Variants in TTF2 observed in about 807,000 individuals in gnomAD.
TTF2 encodes the protein RNA polymerase II termination factor.
In TTF2, 108 loss-of-function variants were observed where a neutral mutation model predicts 142.4. The observed-to-expected ratio is 0.76, with a 90% CI of 0.65 to 0.89. The LOEUF (loss-of-function observed/expected upper bound fraction) is 0.89. TTF2 is among the 40% of genes least tolerant of loss of function. The probability of loss-of-function intolerance (pLI) is 0.00; values close to 1 mark genes in which losing one functional copy is unlikely to be tolerated. For missense variants in TTF2, 1,327 were observed against 1,379.8 expected, an observed-to-expected ratio of 0.96 and a Z score of 0.61; for synonymous variants, 483 against 506.2, an observed-to-expected ratio of 0.95 and a Z score of 0.61.
chr1:117,088,426 G>A (rs1038379057), intron 12 of TTF2, among the ~76,000 whole-genome samples: 2 of 152,064 alleles, frequency 1.3e-5, no homozygotes, highest in African/African-American at 2.4e-5. Flanking sequence ...GGTCCCGGCT[G>A]CTCGGGAGGC....
chr1:117,068,413 A>G (rs1656317895), intron 3 of TTF2, among the ~76,000 whole-genome samples: 1 of 151,906 alleles, frequency 6.6e-6, no homozygotes, highest in Admixed American at 6.6e-5. Context: ...GGGAGAGGGG[A>G]GGGATAGCAT....
At position 117,073,185 on chromosome 1, in the gene TTF2, C is replaced by T. The variant is rs1281427449; in HGVS notation, c.219-476C>T. On this transcript the variant is annotated intron_variant, in intron 3 of 22. Transcript: ENST00000369466. This position sits in a 1 kb window ranked among gnomAD's most constrained non-coding sequence, Gnocchi z 4.4. Reference sequence around the variant, plus strand: ...TTATATTCTCCACAGTATAGTTTTACGCCTTCTTCTGTTGTTTCTATTTCC... The same window carrying T: ...TTATATTCTCCACAGTATAGTTTTATGCCTTCTTCTGTTGTTTCTATTTCC... 2.6e-5 allele frequency among the ~76,000 whole-genome samples: 4 copies of T among 152,154 alleles called. No individual in the cohort carries two copies. Among genetic ancestry groups the T allele is most frequent in the South Asian group, 4.1e-4 (2 of 4,828 alleles).
intron 20 of TTF2, among the ~76,000 whole-genome samples, 171 bp downstream of exon 20, chr1:117,096,470 C>T (rs1250538139): frequency 2.6e-5 from 4 of 152,310 alleles, no homozygotes; most frequent in Admixed American, 6.5e-5. Context: ...CTCCGCCTCC[C>T]GGGTTCAAGC....
At chr1:117,089,152 G>C (rs1648313661) in intron 13 of TTF2, among the ~76,000 whole-genome samples, 170 bp downstream of exon 13, 1 of 151,858 alleles carries the variant, frequency 6.6e-6, no homozygotes, top group Admixed American at 6.6e-5. Context: ...GAAAATAGCT[G>C]TTGATTGGTT....
rs530212582 is a variant in TTF2 at position 117,065,720 on chromosome 1, A to T, written c.218+3247A>T. ...GCTGTTGTAAATGGAATTTTTTTTA[A>T]TTTTGTTTTTGGATTGTTTTCTGCT... On this transcript the variant is annotated intron_variant, in intron 3 of 22. Transcript: ENST00000369466. 3.3e-5 allele frequency among the ~76,000 whole-genome samples: 5 copies of T among 151,926 alleles called. No individual in the cohort carries two copies. In the East Asian group the frequency reaches 9.7e-4, roughly 29 times the overall value.
intron 4 of TTF2, 108 bp from the exon 5 acceptor site, chr1:117,074,762 A>G: frequency 9.4e-7 from 1 of 1,058,390 alleles, no homozygotes; most frequent in South Asian, 1.8e-5. Context: ...ACAAAGCTGC[A>G]TATGTACCCC....
intron 2 of TTF2, 107 bp from the exon 3 acceptor site, chr1:117,062,280 G>T (rs1570781871): frequency 1.0e-6 from 1 of 977,478 alleles, no homozygotes; most frequent in Admixed American, 2.3e-5. Flanking sequence ...CCCAGTAGAG[G>T]TTATACATAG....
rs140575571 is a variant in TTF2 at position 117,085,327 on chromosome 1, G to A, written c.2055-1090G>A. Among the ~76,000 whole-genome samples the A allele has an allele frequency of 2.0e-4, 31 of 152,314 alleles. No homozygotes were observed. The highest frequency in any genetic ancestry group is 6.7e-4 in the African/African-American group (28 of 41,570). On this transcript the variant is annotated intron_variant, in intron 11 of 22. Coordinates refer to ENST00000369466, the MANE Select transcript of TTF2 (RefSeq NM_003594.4). This position sits in a 1 kb window ranked among gnomAD's most constrained non-coding sequence, Gnocchi z 4.7. ...CGAGCACTTTGGGAGGCCGAGGCAG[G>A]CAGATCACTTGAGCTCAGGAGTTCG...
intron 15 of TTF2, 118 bp from the exon 16 acceptor site, chr1:117,091,210 T>C (rs1648546034): frequency 1.3e-6 from 1 of 746,358 alleles, no homozygotes; most frequent in South Asian, 2.5e-5. Flanking sequence ...TTGCTTCTTA[T>C]GAGCTTGGCA....
rs1392177188 is a variant in TTF2, at chr1:117,090,521, T to TA, written c.2497-10dup. 3.6e-5 allele frequency: 57 copies of TA among 1,605,522 alleles called. No individual in the cohort carries two copies. The highest frequency in any genetic ancestry group is 4.5e-5 in the Non-Finnish European group (53 of 1,176,700). Reference sequence around the variant, plus strand: ...ATAGCTTCATGCCAGCTTTTTTTTTTATTCTTCCAGGTGATACTGCCCCAG... The same window carrying TA: ...ATAGCTTCATGCCAGCTTTTTTTTTTAATTCTTCCAGGTGATACTGCCCCAG... On this transcript the variant is annotated splice_polypyrimidine_tract_variant and intron_variant, in intron 14 of 22. Transcript: ENST00000369466. The surrounding 1 kb of genome is among the most constrained non-coding windows in gnomAD (Gnocchi z 4.8).
At chr1:117,066,044 C>T (rs1429463403) in intron 3 of TTF2, among the ~76,000 whole-genome samples, 1 of 133,680 alleles carries the variant, frequency 7.5e-6, no homozygotes, top group African/African-American at 3.0e-5. Context: ...ACTGTATTAC[C>T]CAGCCTGGTC....
chr1:117,082,410 C>G (rs1162071815), intron 10 of TTF2, among the ~76,000 whole-genome samples: 3 of 152,122 alleles, frequency 2.0e-5, no homozygotes, highest in African/African-American at 7.2e-5. Context: ...GATAGGATCT[C>G]ACCATGTTGC....
Position 117,080,462 on chromosome 1 carries a change from G to A in TTF2, c.1783+813G>A, listed in dbSNP as rs1647401086. On this transcript the variant is annotated intron_variant, in intron 9 of 22. Transcript: ENST00000369466. The surrounding 1 kb of genome is among the most constrained non-coding windows in gnomAD (Gnocchi z 4.3). Reference sequence around the variant, plus strand: ...TCTCTTTCTAAAGCTGCTTATACCTGAATTAAAGATGTTTATGAGTACATC... The same window carrying A: ...TCTCTTTCTAAAGCTGCTTATACCTAAATTAAAGATGTTTATGAGTACATC... 6.6e-6 allele frequency among the ~76,000 whole-genome samples: 1 copy of A among 152,162 alleles called. No homozygotes were observed. The highest frequency in any genetic ancestry group is 2.1e-4 in the South Asian group (1 of 4,824).
At chr1:117,089,149 G>C (rs1437800635) in intron 13 of TTF2, among the ~76,000 whole-genome samples, 167 bp downstream of exon 13, 1 of 151,892 alleles carries the variant, frequency 6.6e-6, no homozygotes, top group Non-Finnish European at 1.5e-5. Context: ...TGAGAAAATA[G>C]CTGTTGATTG....
Position 117,085,716 on chromosome 1 carries a change from G to T in TTF2, c.2055-701G>T, listed in dbSNP as rs1339486248. 2.0e-5 allele frequency among the ~76,000 whole-genome samples: 3 copies of T among 151,308 alleles called. No individual in the cohort carries two copies. The highest frequency in any genetic ancestry group is 2.1e-4 in the South Asian group (1 of 4,770). ...TTACTTTTGAGACAGGATAGAGTGAGACCCTACCTTGTCTCAAAAAATAAA... is the reference window on the plus strand; with the variant it reads ...TTACTTTTGAGACAGGATAGAGTGATACCCTACCTTGTCTCAAAAAATAAA... On this transcript the variant is annotated intron_variant, in intron 11 of 22. Coordinates refer to ENST00000369466, the MANE Select transcript of TTF2 (RefSeq NM_003594.4). This position sits in a 1 kb window ranked among gnomAD's most constrained non-coding sequence, Gnocchi z 4.7.
rs1258762703 is a variant in TTF2, at chr1:117,084,104, G to C, written c.1990G>C (p.Val664Leu). Residue 664 changes from valine to leucine, a missense_variant, in exon 11 of 23, where the codon GTG (valine) becomes CTG (leucine). Transcript: ENST00000369466. ...TTGGAAAAATGAGGTGGAGAAACGGGTGAACAGCAACAAACTAAGAGTCTA... is the reference window on the plus strand; with the variant it reads ...TTGGAAAAATGAGGTGGAGAAACGGCTGAACAGCAACAAACTAAGAGTCTA... ...HHWKNEVEKR[V>L]NSNKLRVYLY... is the part of the protein sequence containing the mutation. The C allele has an allele frequency of 1.2e-6, 2 of 1,614,058 alleles. No individual in the cohort carries two copies. The highest frequency in any genetic ancestry group is 1.7e-6 in the Non-Finnish European group (2 of 1,180,040).
In TTF2 at chr1:117,086,413, G is replaced by A. The variant is rs371371874; in HGVS notation, c.2055-4G>A. On this transcript the variant is annotated splice_polypyrimidine_tract_variant and splice_region_variant and intron_variant, in intron 11 of 22. Transcript: ENST00000369466. The surrounding 1 kb of genome is among the most constrained non-coding windows in gnomAD (Gnocchi z 4.2). ...TTATTGATTTCTTTGTTATGTCTACGCAGCCTCTCTACATATGACATCGTG... is the reference window on the plus strand; with the variant it reads ...TTATTGATTTCTTTGTTATGTCTACACAGCCTCTCTACATATGACATCGTG... 105 of 1,606,878 alleles carry A rather than the reference G, an allele frequency of 6.5e-5. No homozygotes were observed. The highest frequency in any genetic ancestry group is 8.0e-5 in the Non-Finnish European group (94 of 1,173,840).
Position 117,077,803 on chromosome 1 carries a change from G to A in TTF2, c.1574-113G>A. 7.0e-6 allele frequency: 10 copies of A among 1,421,628 alleles called. No individual in the cohort carries two copies. In the South Asian group the frequency reaches 1.3e-4, roughly 18 times the overall value. 88.1% of individuals were successfully genotyped at this position (1,421,628 alleles called of 1,614,324 possible). ...GAGACATGGAAAGTTGAGGAGAGTA[G>A]TTAACAAGGAGGGTAAGAAACAGAT... On this transcript the variant is annotated intron_variant, in intron 7 of 22. Transcript: ENST00000369466.
At chr1:117,078,569 G>A (rs1647210002) in intron 8 of TTF2, among the ~76,000 whole-genome samples, 1 of 152,198 alleles carries the variant, frequency 6.6e-6, no homozygotes, top group African/African-American at 2.4e-5. Flanking sequence ...TGACTAGTGG[G>A]AAGATAAAGA....
Sources: allele counts gnomAD v4.1 joint callset (sites outside exome capture counted in the v4.1 genomes callset), GRCh38; gene constraint gnomAD v4.1.1; non-coding constraint Gnocchi (gnomAD v3.1); transcripts MANE v1.5; gene names NCBI Gene and HGNC (gene_info 2026-07-23, HGNC 2026-07-21).